IMMP2L: variants seen among roughly 807,000 people sequenced by gnomAD.
IMMP2L encodes the protein mitochondrial inner membrane protease subunit 2.
In IMMP2L, 18 loss-of-function variants were observed where a neutral mutation model predicts 19.3. The observed-to-expected ratio is 0.93, with a 90% confidence interval of 0.64 to 1.38. IMMP2L has a LOEUF of 1.38. Ranked by LOEUF, IMMP2L falls within the 40% of genes most tolerant of loss-of-function variation. IMMP2L has a pLI of 0.00. For synonymous variants in IMMP2L, 76 were observed against 73.0 expected, an observed-to-expected ratio of 1.04 and a Z score of -0.21; for missense variants, 233 against 218.2, an observed-to-expected ratio of 1.07 and a Z score of -0.43.
chr7:111,369,632 C>T (rs766952958), intron 3 of IMMP2L, among the ~76,000 whole-genome samples: 1 of 151,706 alleles, frequency 6.6e-6, no homozygotes, highest in Non-Finnish European at 1.5e-5. Flanking sequence ...AAAAACAAAG[C>T]CATTTTCAAA....
intron 3 of IMMP2L, among the ~76,000 whole-genome samples, chr7:111,054,023 T>G (rs779076394): frequency 4.5e-4 from 61 of 136,648 alleles, no homozygotes; most frequent in Non-Finnish European, 7.1e-4. Context: ...ATCAATGAAT[T>G]GGTAATTTGT....
intron 3 of IMMP2L, among the ~76,000 whole-genome samples, chr7:111,084,156 G>A (rs958601263): frequency 4.6e-5 from 7 of 152,028 alleles, no homozygotes; most frequent in Non-Finnish European, 8.8e-5. Context: ...GGTAAGAGAC[G>A]ATGAATATCT....
At chr7:110,731,894 C>T (rs946389499) in intron 5 of IMMP2L, among the ~76,000 whole-genome samples, 1 of 151,930 alleles carries the variant, frequency 6.6e-6, no homozygotes, top group East Asian at 1.9e-4. Flanking sequence ...AGGTGCTGAA[C>T]AAAAAAAGTA....
intron 3 of IMMP2L, among the ~76,000 whole-genome samples, chr7:111,062,737 C>A (rs1161923075): frequency 6.6e-6 from 1 of 152,200 alleles, no homozygotes; most frequent in Non-Finnish European, 1.5e-5. Context: ...AGGCCTCATG[C>A]AAGTTCAAAA....
chr7:110,907,785 A>G (rs1246377806), intron 4 of IMMP2L, among the ~76,000 whole-genome samples: 4 of 152,192 alleles, frequency 2.6e-5, no homozygotes, highest in Non-Finnish European at 5.9e-5. Context: ...AGCAATTTAA[A>G]TGTTTTAAAT....
At chr7:110,672,475 G>C (rs953193650) in intron 5 of IMMP2L, among the ~76,000 whole-genome samples, 1 of 152,042 alleles carries the variant, frequency 6.6e-6, no homozygotes, top group Non-Finnish European at 1.5e-5. Flanking sequence ...AAACACAATC[G>C]TGTCTTTCCA....
chr7:111,259,406 A>G (rs1165518619), intron 3 of IMMP2L, among the ~76,000 whole-genome samples: 1 of 152,178 alleles, frequency 6.6e-6, no homozygotes, highest in Non-Finnish European at 1.5e-5. Flanking sequence ...AAGCCAAGGC[A>G]AGAGGATCAC....
At chr7:111,351,344 C>T (rs1241223816) in intron 3 of IMMP2L, among the ~76,000 whole-genome samples, 1 of 152,150 alleles carries the variant, frequency 6.6e-6, no homozygotes, top group African/African-American at 2.4e-5. Context: ...ACGCGTGCCA[C>T]CACGCCCAGC....
At chr7:110,729,275 T>C in intron 5 of IMMP2L, among the ~76,000 whole-genome samples, 1 of 152,210 alleles carries the variant, frequency 6.6e-6, no homozygotes, top group East Asian at 1.9e-4. Context: ...CAGTTCTGCA[T>C]GGCTGGGGAG....
In IMMP2L at chr7:110,753,034, A is replaced by T. The variant is rs572061917; in HGVS notation, c.409-89313T>A. ...GGTTTCCATGAAGTTGCTTTAACTT[A>T]TAATGGAGTATGGAGTATAAGCTTT... On this transcript the variant is annotated intron_variant, in intron 5 of 5. Coordinates refer to ENST00000405709, the MANE Select transcript of IMMP2L (RefSeq NM_032549.4). Among the ~76,000 whole-genome samples the T allele has an allele frequency of 2.0e-3, 310 of 152,266 alleles. 2 individuals carry two copies. Among genetic ancestry groups the T allele is most frequent in the Non-Finnish European group, 3.1e-3 (212 of 67,998 alleles).
Position 111,281,206 on chromosome 7 carries a change from GAAA to G in IMMP2L, c.239+206029_239+206031del, listed in dbSNP as rs1819785476. Among the ~76,000 whole-genome samples, 6 of 40,384 alleles carry G rather than the reference GAAA, an allele frequency of 1.5e-4. No individual in the cohort carries two copies. The East Asian group carries it at 4.0e-3, about 27-fold the overall frequency. 26.5% of individuals were successfully genotyped at this position (40,384 alleles called of 152,430 possible). A position where few individuals can be genotyped will look rare whatever the true frequency, so the allele number is the denominator to read the frequency against. On this transcript the variant is annotated intron_variant, in intron 3 of 5. Transcript: ENST00000405709. ...AGAAAGAAAGAAAGAAAGAAAGAAA[GAAA>G]GAAAGAAAAAGAAAGAAAGAAAGAA...
chr7:111,253,595 A>G (rs908536227), intron 3 of IMMP2L, among the ~76,000 whole-genome samples: 1 of 152,258 alleles, frequency 6.6e-6, no homozygotes, highest in Admixed American at 6.5e-5. Flanking sequence ...AGTAACACCA[A>G]TGGTCTGAGG....
At position 111,421,168 on chromosome 7, in the gene IMMP2L, C is replaced by A. The variant is rs562429829; in HGVS notation, c.239+66070G>T. On this transcript the variant is annotated intron_variant, in intron 3 of 5. Transcript: ENST00000405709. ...TTTCTCTGATGACCAGTGATGATGA[C>A]CATTTTTTCATGTGTCTGTTGGCTG... is the stretch of plus-strand genomic sequence containing the variant. Among the ~76,000 whole-genome samples the A allele has an allele frequency of 5.9e-5, 9 of 151,822 alleles. No homozygotes were observed. The East Asian group carries it at 1.7e-3, about 29-fold the overall frequency.
chr7:110,968,260 G>A (rs1028993862), intron 3 of IMMP2L, among the ~76,000 whole-genome samples: 1 of 150,030 alleles, frequency 6.7e-6, no homozygotes, highest in African/African-American at 2.5e-5. Flanking sequence ...TTTGATTCAT[G>A]CATTAAAAAA....
chr7:110,937,964 G>C (rs1816305594), intron 4 of IMMP2L, among the ~76,000 whole-genome samples: 1 of 152,102 alleles, frequency 6.6e-6, no homozygotes, highest in Non-Finnish European at 1.5e-5. Flanking sequence ...ATATGAAGTG[G>C]CCTCTGTTCC....
intron 5 of IMMP2L, among the ~76,000 whole-genome samples, chr7:110,856,127 A>T (rs1806733728): frequency 6.6e-6 from 1 of 152,018 alleles, no homozygotes; most frequent in Non-Finnish European, 1.5e-5. Context: ...CTTTCTTCCA[A>T]AACCACCAAA....
intron 3 of IMMP2L, among the ~76,000 whole-genome samples, chr7:111,423,316 T>C (rs1351746014): frequency 1.3e-5 from 2 of 151,864 alleles, no homozygotes; most frequent in African/African-American, 4.9e-5. Context: ...GTACCTCTGG[T>C]AGAATTCGGC....
chr7:111,225,302 G>T (rs1462699261), intron 3 of IMMP2L, among the ~76,000 whole-genome samples: 1 of 152,052 alleles, frequency 6.6e-6, no homozygotes, highest in East Asian at 1.9e-4. Context: ...GCCTTATATT[G>T]CCACTGTAAG....
chr7:111,031,455 C>A (rs1269509738), intron 3 of IMMP2L, among the ~76,000 whole-genome samples: 1 of 148,210 alleles, frequency 6.7e-6, no homozygotes, highest in African/African-American at 2.5e-5. Context: ...AAAGGGACAC[C>A]AAAGCCAACT....
Sources: gnomAD v4.1 joint callset for allele counts (sites outside exome capture counted in the v4.1 genomes callset) on GRCh38, gnomAD v4.1.1 for gene constraint, MANE v1.5 for transcripts, NCBI Gene and HGNC (gene_info 2026-07-23, HGNC 2026-07-21) for gene names.